Variants in KIAA1549L observed in about 807,000 individuals in gnomAD.
KIAA1549L encodes KIAA1549 like, also known as UPF0606 protein KIAA1549L.
KIAA1549L carries 88 observed loss-of-function variants against 160.7 expected under a neutral mutation model. The observed-to-expected ratio is 0.55, with a 90% CI of 0.46 to 0.65. KIAA1549L has a LOEUF of 0.65. KIAA1549L is among the 30% of genes least tolerant of loss of function. The pLI is 0.00. For synonymous variants in KIAA1549L, 950 were observed against 976.7 expected, an observed-to-expected ratio of 0.97 and a Z score of 0.51; for missense variants, 2,258 against 2,437.5, an observed-to-expected ratio of 0.93 and a Z score of 1.55.
At chr11:33,493,282 G>A (rs1425166756) in intron 1 of KIAA1549L, among the ~76,000 whole-genome samples, 1 of 152,214 alleles carries the variant, frequency 6.6e-6, no homozygotes, top group Non-Finnish European at 1.5e-5. Flanking sequence ...GAGGCTGAGA[G>A]TTGGATCTTT....
chr11:33,560,501 G>T (rs1047716150), intron 7 of KIAA1549L, among the ~76,000 whole-genome samples: 6 of 152,186 alleles, frequency 3.9e-5, no homozygotes, highest in African/African-American at 1.4e-4. Context: ...AGTCCATGGT[G>T]TGACTTCACT....
chr11:33,628,889 C>T (rs1002339949), intron 16 of KIAA1549L, among the ~76,000 whole-genome samples: 6 of 151,692 alleles, frequency 4.0e-5, no homozygotes, highest in Middle Eastern at 3.2e-3. Context: ...CTCGATGGTC[C>T]TTACATTTTG....
chr11:33,634,023 A>C (rs1851373748), intron 16 of KIAA1549L, among the ~76,000 whole-genome samples: 1 of 152,128 alleles, frequency 6.6e-6, no homozygotes, highest in South Asian at 2.1e-4. Context: ...CTTTTCTAGC[A>C]GTTACTACTC....
chr11:33,402,356 T>G (rs1262695670), intron 1 of KIAA1549L, among the ~76,000 whole-genome samples: 1 of 152,204 alleles, frequency 6.6e-6, no homozygotes, highest in Admixed American at 6.5e-5. Flanking sequence ...TAATGTTTCC[T>G]GCACCTGCTC....
At chr11:33,408,110 CTCAA>C (rs1168095153) in intron 1 of KIAA1549L, among the ~76,000 whole-genome samples, 1 of 152,094 alleles carries the variant, frequency 6.6e-6, no homozygotes, top group Non-Finnish European at 1.5e-5. Flanking sequence ...AGGAAAAAAC[CTCAA>C]TCAATTCTAC....
intron 11 of KIAA1549L, among the ~76,000 whole-genome samples, chr11:33,589,005 T>C (rs1381450166): frequency 6.6e-6 from 1 of 152,194 alleles, no homozygotes; most frequent in Non-Finnish European, 1.5e-5. Context: ...CTAGACTGGA[T>C]TGTTAAATCC....
intron 1 of KIAA1549L, among the ~76,000 whole-genome samples, chr11:33,422,128 C>T (rs761490900): frequency 6.6e-6 from 1 of 152,038 alleles, no homozygotes; most frequent in Non-Finnish European, 1.5e-5. Flanking sequence ...TCTCCATGCC[C>T]CTTTACTACT....
At chr11:33,658,606 A>T (rs1346858119) in intron 18 of KIAA1549L, 144 bp from the exon 19 acceptor site, 4 of 751,040 alleles carry the variant, frequency 5.3e-6, no homozygotes, top group South Asian at 1.8e-5. Flanking sequence ...TCCGTTTGTT[A>T]TCTGGGAATA....
At chr11:33,485,014 A>G (rs896631388) in intron 1 of KIAA1549L, among the ~76,000 whole-genome samples, 1 of 152,112 alleles carries the variant, frequency 6.6e-6, no homozygotes, top group African/African-American at 2.4e-5. Context: ...GGCTTCCTTC[A>G]TCCCCTGATT....
At chr11:33,499,970 A>G (rs554215084) in intron 1 of KIAA1549L, among the ~76,000 whole-genome samples, 1 of 152,206 alleles carries the variant, frequency 6.6e-6, no homozygotes, top group East Asian at 1.9e-4. Context: ...TCATCCACAT[A>G]TCCAACTCCC....
intron 11 of KIAA1549L, among the ~76,000 whole-genome samples, chr11:33,585,084 G>A (rs1855768712): frequency 6.6e-6 from 1 of 152,182 alleles, no homozygotes; most frequent in Non-Finnish European, 1.5e-5. Context: ...TTTAGATACT[G>A]TCTACTGAAG....
Position 33,559,892 on chromosome 11 carries a change from G to C in KIAA1549L, c.3999G>C (p.Pro1333=). Residue 1333 remains proline (P), a synonymous_variant, in exon 7 of 21, where the codon CCG becomes CCC. Coordinates refer to ENST00000658780, the MANE Select transcript of KIAA1549L (RefSeq NM_012194.3). The part of the protein sequence containing the change: ...AELVGFYLTY[P]PLTIAEPLEY... ...TGGTGGGATTCTACCTCACCTATCCGCCGCTAACCATTGCTGAACGTGAGT... is the reference window on the plus strand; with the variant it reads ...TGGTGGGATTCTACCTCACCTATCCCCCGCTAACCATTGCTGAACGTGAGT... 6.2e-7 allele frequency: 1 copy of C among 1,613,958 alleles called. No individual in the cohort carries two copies. The highest frequency in any genetic ancestry group is 1.3e-5 in the African/African-American group (1 of 75,044).
At chr11:33,518,166 A>AAAAAAAAAAAAG (rs1853396650) in intron 1 of KIAA1549L, among the ~76,000 whole-genome samples, 1 of 138,876 alleles carries the variant, frequency 7.2e-6, no homozygotes, top group African/African-American at 2.7e-5. Context: ...AAAAAAAAAA[A>AAAAAAAAAAAAG]GACATAGCAA....
rs372911771 is a variant in KIAA1549L at position 33,433,118 on chromosome 11, A to C, written c.238+56229A>C. Among the ~76,000 whole-genome samples the C allele has an allele frequency of 2.0e-4, 30 of 152,372 alleles. No homozygotes were observed. The East Asian group carries it at 5.6e-3, about 28-fold the overall frequency. On this transcript the variant is annotated intron_variant, in intron 1 of 20. Coordinates refer to ENST00000658780, the MANE Select transcript of KIAA1549L (RefSeq NM_012194.3). Reference sequence around the variant, plus strand: ...TTAAATTGAGCTTCTGCACAGCAAAAGAAACTATCATCTGATCATCAGAGT... The same window carrying C: ...TTAAATTGAGCTTCTGCACAGCAAACGAAACTATCATCTGATCATCAGAGT...
intron 16 of KIAA1549L, among the ~76,000 whole-genome samples, chr11:33,627,549 G>T (rs1851152206): frequency 1.3e-5 from 2 of 152,174 alleles, no homozygotes; most frequent in Middle Eastern, 3.4e-3. Context: ...TTGCATAGAG[G>T]TGTTTGTAGT....
In KIAA1549L at chr11:33,542,840, CAG is replaced by C; in HGVS notation, c.1278_1279del (p.Ala428HisfsTer15). ...CCTCCACTTTTCCAGACTGCAGAAT[CAG>C]GGGCCATAGAAATGACCAGCAGAAA... On this transcript the variant is annotated frameshift_variant, in exon 2 of 21. Coordinates refer to ENST00000658780, the MANE Select transcript of KIAA1549L (RefSeq NM_012194.3). LOFTEE classifies it high-confidence loss of function. 6.2e-7 allele frequency: 1 copy of C among 1,613,844 alleles called. No individual in the cohort carries two copies. The highest frequency in any genetic ancestry group is 8.5e-7 in the Non-Finnish European group (1 of 1,179,856).
chr11:33,395,785 T>C (rs1850361638), intron 1 of KIAA1549L, among the ~76,000 whole-genome samples: 1 of 152,088 alleles, frequency 6.6e-6, no homozygotes, highest in Admixed American at 6.6e-5. Flanking sequence ...TCAGTTGTAC[T>C]TCAAGTGGAT....
chr11:33,520,088 T>C (rs531843556), intron 1 of KIAA1549L, among the ~76,000 whole-genome samples: 46 of 152,288 alleles, frequency 3.0e-4, no homozygotes, highest in Admixed American at 2.7e-3. Context: ...CCTGAACTTA[T>C]CCACTATCTC....
At chr11:33,553,079 G>A (rs935417098) in intron 6 of KIAA1549L, among the ~76,000 whole-genome samples, 5 of 152,186 alleles carry the variant, frequency 3.3e-5, no homozygotes, top group South Asian at 2.1e-4. Flanking sequence ...ATGGGAAAGC[G>A]TCCCCTGTAG....
Sources: allele counts gnomAD v4.1 joint callset (sites outside exome capture counted in the v4.1 genomes callset), GRCh38; gene constraint gnomAD v4.1.1; transcripts MANE v1.5; gene names NCBI Gene and HGNC (gene_info 2026-07-23, HGNC 2026-07-21).